Variants in VIPR2 observed in about 807,000 individuals in gnomAD.
VIPR2 encodes vasoactive intestinal peptide receptor 2.
In VIPR2, 48 loss-of-function variants were observed where a neutral mutation model predicts 58.0. The observed-to-expected ratio is 0.83, with a 90% confidence interval of 0.66 to 1.05. VIPR2 has a LOEUF of 1.05. Ranked by LOEUF, VIPR2 falls within the 50% of genes least tolerant of loss-of-function variation. The pLI, the probability that VIPR2 is intolerant of heterozygous loss-of-function variation, is 0.00. For synonymous variants in VIPR2, 243 were observed against 235.2 expected, an observed-to-expected ratio of 1.03 and a Z score of -0.30; for missense variants, 534 against 558.0, an observed-to-expected ratio of 0.96 and a Z score of 0.43.
At chr7:159,100,665 T>C (rs901050436) in intron 4 of VIPR2, among the ~76,000 whole-genome samples, 25 of 152,200 alleles carry the variant, frequency 1.6e-4, no homozygotes, top group African/African-American at 5.5e-4. Flanking sequence ...CAGTGGGAGG[T>C]AACTGAATCA....
intron 4 of VIPR2, among the ~76,000 whole-genome samples, chr7:159,082,029 A>G (rs1159002436): frequency 6.6e-6 from 1 of 152,246 alleles, no homozygotes; most frequent in East Asian, 1.9e-4. Context: ...ACTGTAAACT[A>G]GTTCAACCAT....
At chr7:159,043,014 C>T in intron 6 of VIPR2, 21 bp downstream of exon 6, 1 of 1,612,072 alleles carries the variant, frequency 6.2e-7, no homozygotes, top group East Asian at 2.2e-5. Context: ...CAGTGGGACC[C>T]TGTGGTGGGG....
chr7:159,115,632 G>C (rs1028789628), intron 2 of VIPR2, among the ~76,000 whole-genome samples: 2 of 152,230 alleles, frequency 1.3e-5, no homozygotes, highest in Admixed American at 6.5e-5. Context: ...ACACAGCAAG[G>C]TGTGTCACCA....
In VIPR2 at chr7:159,052,041, C is replaced by T. The variant is rs1363923085; in HGVS notation, c.455+6440G>A. Reference sequence around the variant, plus strand: ...GACCTATGTAGCACATAACCAAGAACTGCATAATTTACATTATTTTCAAAC... The same window carrying T: ...GACCTATGTAGCACATAACCAAGAATTGCATAATTTACATTATTTTCAAAC... On this transcript the variant is annotated intron_variant, in intron 5 of 12. Coordinates refer to ENST00000262178, the MANE Select transcript of VIPR2 (RefSeq NM_003382.5). Among the ~76,000 whole-genome samples, 3 of 152,240 alleles carry T rather than the reference C, an allele frequency of 2.0e-5. No individual in the cohort carries two copies. The East Asian group carries it at 5.8e-4, about 29-fold the overall frequency.
chr7:159,042,880 T>C lies in VIPR2; in HGVS notation c.597+155A>G. On this transcript the variant is annotated intron_variant, in intron 6 of 12. Transcript: ENST00000262178. The stretch of plus-strand genomic sequence containing the variant: ...TCTCAGCTGCCAACTGGGCCTGTTC[T>C]GGCCCCAGCCTCTCTGCCAGGCTCT... Among the ~76,000 whole-genome samples the C allele has an allele frequency of 1.3e-5, 2 of 152,192 alleles. 1 individual carries two copies. Among genetic ancestry groups the C allele is most frequent in the East Asian group, 3.9e-4 (2 of 5,192 alleles).
rs985997788 is a variant in VIPR2 at position 159,112,342 on chromosome 7, C to T, written c.152-2423G>A. On this transcript the variant is annotated intron_variant, in intron 2 of 12. Coordinates refer to ENST00000262178, the MANE Select transcript of VIPR2 (RefSeq NM_003382.5). ...AGGGCGCCGAGGCTGAGGTAGCAGC[C>T]GGAAGTGCAGCCGAAGGCGCAGCCG... is the stretch of plus-strand genomic sequence containing the variant. Among the ~76,000 whole-genome samples, 4 of 152,194 alleles carry T rather than the reference C, an allele frequency of 2.6e-5. 1 individual carries two copies. Among genetic ancestry groups the T allele is most frequent in the Admixed American group, 1.3e-4 (2 of 15,280 alleles).
chr7:159,106,888 G>GA (rs1488702120), intron 3 of VIPR2, among the ~76,000 whole-genome samples: 2 of 148,068 alleles, frequency 1.4e-5, no homozygotes, highest in Non-Finnish European at 3.0e-5. Context: ...GGGAGGTGCA[G>GA]AAAGAGGCCA....
rs183188951 is a variant in VIPR2, at chr7:159,036,990, C to T, written c.598-88G>A. 8.5e-5 allele frequency: 124 copies of T among 1,462,906 alleles called. No individual in the cohort carries two copies. The East Asian group carries it at 2.6e-3, about 31-fold the overall frequency. 90.6% of individuals were successfully genotyped at this position (1,462,906 alleles called of 1,614,324 possible). ...GGCAGTGCCGCTCCAGGACACAGGG[C>T]GCTTGGTATCTGTGCAAGGAAGGAG... On this transcript the variant is annotated intron_variant, in intron 6 of 12. Transcript: ENST00000262178.
Position 159,041,081 on chromosome 7 carries a change from C to T in VIPR2, c.597+1954G>A, listed in dbSNP as rs557141886. Among the ~76,000 whole-genome samples, 53 of 152,330 alleles carry T rather than the reference C, an allele frequency of 3.5e-4. 2 individuals carry two copies. The South Asian group carries it at 9.5e-3, about 27-fold the overall frequency. On this transcript the variant is annotated intron_variant, in intron 6 of 12. Coordinates refer to ENST00000262178, the MANE Select transcript of VIPR2 (RefSeq NM_003382.5). ...ACCTGGGCTTTGGATCCCGAGACTCCGGGCCAGTTGCTGGGTTCCCCTCTG... is the reference window on the plus strand; with the variant it reads ...ACCTGGGCTTTGGATCCCGAGACTCTGGGCCAGTTGCTGGGTTCCCCTCTG...
chr7:159,063,278 G>A (rs1023901644), intron 4 of VIPR2, among the ~76,000 whole-genome samples: 2 of 152,156 alleles, frequency 1.3e-5, no homozygotes, highest in African/African-American at 4.8e-5. Context: ...CCCGAGCCCT[G>A]CCCTGCGGGG....
intron 2 of VIPR2, among the ~76,000 whole-genome samples, chr7:159,121,960 T>C (rs1028971459): frequency 6.6e-6 from 1 of 152,224 alleles, no homozygotes; most frequent in Non-Finnish European, 1.5e-5. Flanking sequence ...CAAAGACAAC[T>C]GATTGGTACG....
rs181226353 is a variant in VIPR2 at position 159,036,208 on chromosome 7, G to T, written c.749-196C>A. ...AAGCAGTGAAGATAATTAAACACAC[G>T]CTTGAGAGCTGAGAATCTGAGACTT... On this transcript the variant is annotated intron_variant, in intron 7 of 12. Coordinates refer to ENST00000262178, the MANE Select transcript of VIPR2 (RefSeq NM_003382.5). 1.7e-3 allele frequency among the ~76,000 whole-genome samples: 255 copies of T among 152,292 alleles called. 3 individuals are homozygous for T. Among genetic ancestry groups the T allele is most frequent in the African/African-American group, 5.8e-3 (242 of 41,554 alleles).
rs1182639530 is a variant in VIPR2 at position 159,127,382 on chromosome 7, A to G, written c.151+15064T>C. 6.6e-6 allele frequency among the ~76,000 whole-genome samples: 1 copy of G among 152,218 alleles called. No individual in the cohort carries two copies. Among genetic ancestry groups the G allele is most frequent in the South Asian group, 2.1e-4 (1 of 4,830 alleles). ...TGGTACCTGAACAAACATTAAACCC[A>G]CAACTCCAAATCCAGAAATAACCAA... On this transcript the variant is annotated intron_variant, in intron 2 of 12. Transcript: ENST00000262178. This position sits in a 1 kb window ranked among gnomAD's most constrained non-coding sequence, Gnocchi z 4.6.
intron 5 of VIPR2, among the ~76,000 whole-genome samples, chr7:159,049,737 G>A (rs550477616): frequency 1.5e-3 from 221 of 152,312 alleles, no homozygotes; most frequent in Admixed American, 4.2e-3. Context: ...CATGGGTGCC[G>A]GGTGGCAAGC....
rs144533903 is a variant in VIPR2, at chr7:159,059,767, G to A, written c.358-1189C>T. ...CCACCACTCTCAACTTATCTAACCC[G>A]TACTCACTTCAACTACCACCCTCAC... On this transcript the variant is annotated intron_variant, in intron 4 of 12. Coordinates refer to ENST00000262178, the MANE Select transcript of VIPR2 (RefSeq NM_003382.5). Among the ~76,000 whole-genome samples, 168 of 87,882 alleles carry A rather than the reference G, an allele frequency of 1.9e-3. 1 individual carries two copies. The East Asian group carries it at 0.02, about 11-fold the overall frequency. 57.7% of individuals were successfully genotyped at this position (87,882 alleles called of 152,430 possible). A position where few individuals can be genotyped will look rare whatever the true frequency, so the allele number is the denominator to read the frequency against.
intron 4 of VIPR2, among the ~76,000 whole-genome samples, chr7:159,073,056 C>T (rs1031888908): frequency 3.9e-5 from 6 of 152,152 alleles, no homozygotes; most frequent in Non-Finnish European, 5.9e-5. Flanking sequence ...TTCTTTTCAT[C>T]TTCTAAGGTA....
intron 6 of VIPR2, among the ~76,000 whole-genome samples, chr7:159,039,939 C>A (rs1037299226): frequency 2.0e-5 from 3 of 152,220 alleles, no homozygotes; most frequent in African/African-American, 7.2e-5. Flanking sequence ...CACCATGCCA[C>A]ATGAGGGACC....
intron 6 of VIPR2, among the ~76,000 whole-genome samples, chr7:159,042,041 C>T (rs1036631318): frequency 5.9e-5 from 9 of 152,112 alleles, no homozygotes; most frequent in African/African-American, 9.7e-5. Context: ...AGGCATCACG[C>T]GCCAGCTTAT....
chr7:159,117,735 T>C (rs944655082), intron 2 of VIPR2, among the ~76,000 whole-genome samples: 7 of 152,068 alleles, frequency 4.6e-5, no homozygotes, highest in African/African-American at 1.7e-4. Flanking sequence ...GCCCGAGTCA[T>C]GGGAAGCCAC....
Sources: allele counts gnomAD v4.1 joint callset (sites outside exome capture counted in the v4.1 genomes callset), GRCh38; gene constraint gnomAD v4.1.1; non-coding constraint Gnocchi (gnomAD v3.1); transcripts MANE v1.5; gene names NCBI Gene and HGNC (gene_info 2026-07-23, HGNC 2026-07-21).